Variants in NXPE2 observed in about 807,000 individuals in gnomAD.
The protein encoded by NXPE2 is NXPE family member 2.
In NXPE2, 34 loss-of-function variants were observed where a neutral mutation model predicts 34.4. The observed-to-expected ratio is 0.99, with a 90% CI of 0.75 to 1.31. NXPE2 has a LOEUF of 1.31. Ranked by LOEUF, NXPE2 falls within the 40% of genes most tolerant of loss-of-function variation. NXPE2 has a pLI of 0.00. For synonymous variants in NXPE2, 235 were observed against 231.3 expected (o/e 1.02, Z -0.15); for missense variants, 649 against 672.5 (o/e 0.97, Z 0.39).
chr11:114,618,597 C>T, the NXPE2 span, among the ~76,000 whole-genome samples: 6 of 151,970 alleles, frequency 3.9e-5, no homozygotes, highest in African/African-American at 1.5e-4. Context: ...ACAACTGTTA[C>T]CCTGTGGATA....
chr11:114,607,109 T>A, the NXPE2 span, among the ~76,000 whole-genome samples: 1 of 151,968 alleles, frequency 6.6e-6, no homozygotes, highest in East Asian at 2.0e-4. Flanking sequence ...GAGTAACCAC[T>A]GTTACCCGGT....
chr11:114,533,461 C>A, the NXPE2 span, among the ~76,000 whole-genome samples: 1 of 152,088 alleles, frequency 6.6e-6, no homozygotes, highest in Non-Finnish European at 1.5e-5. Flanking sequence ...TGCAGCACAC[C>A]GTGCATGAGC....
chr11:114,496,863 T>C, the NXPE2 span, among the ~76,000 whole-genome samples: 1 of 152,204 alleles, frequency 6.6e-6, no homozygotes, highest in African/African-American at 2.4e-5. Flanking sequence ...GTAATGTTAC[T>C]TACGTCTTTG....
the NXPE2 span, among the ~76,000 whole-genome samples, chr11:114,625,449 T>TC: frequency 6.6e-6 from 1 of 152,140 alleles, no homozygotes; most frequent in Non-Finnish European, 1.5e-5. Context: ...AAGTATTGCC[T>TC]CTTGGGTAAC....
chr11:114,522,283 T>G, the NXPE2 span: 1 of 1,614,086 alleles, frequency 6.2e-7, no homozygotes, highest in Non-Finnish European at 8.5e-7. Context: ...TGGGAAATGG[T>G]CTAAAGTGCT....
the NXPE2 span, among the ~76,000 whole-genome samples, chr11:114,581,344 C>T: frequency 6.6e-6 from 1 of 152,088 alleles, no homozygotes; most frequent in Non-Finnish European, 1.5e-5. Context: ...AGGTTGGAAA[C>T]CTCTAGATGG....
chr11:114,691,877 C>T lies in NXPE2; in HGVS notation c.133-6168C>T, dbSNP rs117573779. Among the ~76,000 whole-genome samples, 1,126 of 152,298 alleles carry T rather than the reference C, an allele frequency of 7.4e-3. 4 individuals are homozygous for T. The highest frequency in any genetic ancestry group is 0.013 in the Non-Finnish European group (861 of 68,024). On this transcript the variant is annotated intron_variant, in intron 2 of 5. Transcript: ENST00000389586. ...TTCTTGGAGCTGATGGGGCACTGTT[C>T]CCCAAATGGCCAAGGGAGCAGGCTG...
chr11:114,551,516 A>G, the NXPE2 span: 1 of 635,472 alleles, frequency 1.6e-6, no homozygotes, highest in Non-Finnish European at 2.0e-6. Flanking sequence ...AGACATAACA[A>G]TTACAATGAG....
At chr11:114,641,193 C>A in the NXPE2 span, among the ~76,000 whole-genome samples, 1 of 151,472 alleles carries the variant, frequency 6.6e-6, no homozygotes, top group Non-Finnish European at 1.5e-5. Flanking sequence ...CAGAAATAAT[C>A]AAGAAGGAAT....
At chr11:114,797,127 C>CGGTGTATTAAAATAA in the NXPE2 span, among the ~76,000 whole-genome samples, 2 of 152,102 alleles carry the variant, frequency 1.3e-5, no homozygotes, top group African/African-American at 4.8e-5. Flanking sequence ...GCATGACTCA[C>CGGTGTATTAAAATAA]GGTGTATTAA....
At chr11:114,765,759 G>A in the NXPE2 span, among the ~76,000 whole-genome samples, 17 of 152,214 alleles carry the variant, frequency 1.1e-4, 1 homozygote, top group African/African-American at 4.1e-4. Flanking sequence ...CACTTTATCT[G>A]TCTTCCTTAA....
the NXPE2 span, among the ~76,000 whole-genome samples, chr11:114,464,921 C>T: frequency 6.6e-6 from 1 of 151,690 alleles, no homozygotes; most frequent in Non-Finnish European, 1.5e-5. Context: ...AAAAGAGAAA[C>T]TTGAATGTCC....
the NXPE2 span, among the ~76,000 whole-genome samples, chr11:114,494,201 G>GAT: frequency 1.3e-5 from 2 of 152,080 alleles, no homozygotes; most frequent in African/African-American, 4.8e-5. Context: ...AAATCTGCGT[G>GAT]ATATCTTATA....
Position 114,696,951 on chromosome 11 carries a change from A to T in NXPE2, c.133-1094A>T, listed in dbSNP as rs144780773. On this transcript the variant is annotated intron_variant, in intron 2 of 5. Transcript: ENST00000389586. ...TATGATAAAGTTTAATTTATAAATT[A>T]GGCACAGTAAGACATTGACAAAAAT... Among the ~76,000 whole-genome samples, 523 of 152,330 alleles carry T rather than the reference A, an allele frequency of 3.4e-3. 2 individuals are homozygous for T. Among genetic ancestry groups the T allele is most frequent in the African/African-American group, 0.012 (503 of 41,568 alleles).
chr11:114,513,680 C>A, the NXPE2 span, among the ~76,000 whole-genome samples: 1 of 151,996 alleles, frequency 6.6e-6, no homozygotes, highest in African/African-American at 2.4e-5. Flanking sequence ...ATGTTAAAAA[C>A]CCATTTAAAA....
At chr11:114,603,320 G>A in the NXPE2 span, among the ~76,000 whole-genome samples, 17 of 122,128 alleles carry the variant, frequency 1.4e-4, no homozygotes, top group South Asian at 5.5e-4. Context: ...TACCTGGTGG[G>A]TGATAAGTAT....
chr11:114,495,531 C>T, the NXPE2 span, among the ~76,000 whole-genome samples: 181 of 151,924 alleles, frequency 1.2e-3, 6 homozygotes, highest in South Asian at 0.035. Context: ...GGTACCCAAG[C>T]TGCAAAACAA....
At chr11:114,794,856 C>CAA in the NXPE2 span, among the ~76,000 whole-genome samples, 1 of 151,794 alleles carries the variant, frequency 6.6e-6, no homozygotes, top group East Asian at 1.9e-4. Context: ...CCCCCGCCCC[C>CAA]CCCAACCCCA....
At chr11:114,601,709 TATTATATATTATA>T in the NXPE2 span, among the ~76,000 whole-genome samples, 1 of 57,954 alleles carries the variant, frequency 1.7e-5, no homozygotes, top group Non-Finnish European at 2.9e-5. Flanking sequence ...ATTCTTTATA[TATTATATATTATA>T]ATTATATATT....
Sources: gnomAD v4.1 joint callset for allele counts (sites outside exome capture counted in the v4.1 genomes callset) on GRCh38, gnomAD v4.1.1 for gene constraint, MANE v1.5 for transcripts, NCBI Gene and HGNC (gene_info 2026-07-23, HGNC 2026-07-21) for gene names.